CALD1: variants seen among roughly 807,000 people sequenced by gnomAD.
CALD1 encodes caldesmon.
Under a neutral mutation model 99.9 loss-of-function variants are expected in CALD1, and 33 were observed. The ratio of observed to expected loss-of-function variants is 0.33; its 90% CI spans 0.25 to 0.44. The LOEUF is 0.44. Ranked by LOEUF, CALD1 falls within the 20% of genes least tolerant of loss-of-function variation. The pLI is 1.00. For synonymous variants in CALD1, 310 were observed against 325.0 expected, an observed-to-expected ratio of 0.95 and a Z score of 0.50; for missense variants, 861 against 962.1, an observed-to-expected ratio of 0.89 and a Z score of 1.39.
chr7:134,755,911 T>C (rs1256226617), intron 1 of CALD1, among the ~76,000 whole-genome samples: 2 of 152,192 alleles, frequency 1.3e-5, no homozygotes, highest in Non-Finnish European at 2.9e-5. Context: ...TTAATCTATC[T>C]GGAAATGACT....
intron 3 of CALD1, among the ~76,000 whole-genome samples, chr7:134,884,937 TTTTA>T (rs946141952): frequency 6.6e-6 from 1 of 152,202 alleles, no homozygotes; most frequent in South Asian, 2.1e-4. Flanking sequence ...TCTTTCTTTC[TTTTA>T]TTTATTTATT....
At chr7:134,947,932 AC>A in intron 8 of CALD1, 163 bp downstream of exon 8, 1 of 818,188 alleles carries the variant, frequency 1.2e-6, no homozygotes, top group Non-Finnish European at 1.9e-6. Flanking sequence ...TAATTTGTCC[AC>A]TGCTTCTAAG....
chr7:134,938,547 C>T (rs533466153), intron 6 of CALD1, among the ~76,000 whole-genome samples: 9 of 152,224 alleles, frequency 5.9e-5, no homozygotes, highest in South Asian at 4.2e-4. Flanking sequence ...TCAGCACGGA[C>T]GTTCTCCATG....
At chr7:134,789,497 C>T (rs906581947) in intron 1 of CALD1, among the ~76,000 whole-genome samples, 3 of 152,206 alleles carry the variant, frequency 2.0e-5, no homozygotes, top group Admixed American at 6.5e-5. Flanking sequence ...ACTTTTTTCA[C>T]TTACAAAATG....
At chr7:134,816,769 T>C (rs1170557763) in intron 1 of CALD1, among the ~76,000 whole-genome samples, 1 of 152,150 alleles carries the variant, frequency 6.6e-6, no homozygotes, top group Non-Finnish European at 1.5e-5. Flanking sequence ...GAGAAGACAT[T>C]TCCACTGTTT....
intron 1 of CALD1, among the ~76,000 whole-genome samples, chr7:134,769,255 C>T (rs1011027721): frequency 5.9e-5 from 9 of 152,084 alleles, no homozygotes; most frequent in East Asian, 1.9e-4. Context: ...AGTGTGAGGG[C>T]GTCCCAAGAG....
upstream of CALD1, among the ~76,000 whole-genome samples, chr7:134,777,195 A>T (rs1796925093): frequency 6.6e-6 from 1 of 152,220 alleles, no homozygotes; most frequent in Non-Finnish European, 1.5e-5. Context: ...TTGTTTAAAA[A>T]AAGTAAAAGG....
chr7:134,923,142 G>A (rs1367891146), intron 3 of CALD1, among the ~76,000 whole-genome samples: 2 of 152,134 alleles, frequency 1.3e-5, no homozygotes, highest in African/African-American at 4.8e-5. Flanking sequence ...CCATGTTGCT[G>A]TCAGCTGACC....
At chr7:134,859,747 C>G (rs1243311518) in intron 2 of CALD1, among the ~76,000 whole-genome samples, 1 of 152,072 alleles carries the variant, frequency 6.6e-6, no homozygotes, top group Non-Finnish European at 1.5e-5. Context: ...TAAAGTGCTC[C>G]AAATTAAGGT....
At chr7:134,718,621 T>C in the CALD1 span, among the ~76,000 whole-genome samples, 16 of 152,332 alleles carry the variant, frequency 1.1e-4, no homozygotes, top group Non-Finnish European at 1.5e-5. Flanking sequence ...AGGCTTGTTA[T>C]GCATTAAAAA....
At chr7:134,723,077 C>A in the CALD1 span, among the ~76,000 whole-genome samples, 1 of 152,166 alleles carries the variant, frequency 6.6e-6, no homozygotes, top group South Asian at 2.1e-4. Context: ...TTAACTATCA[C>A]CCCCACAGCT....
At chr7:134,762,641 C>T (rs1312789407) in intron 1 of CALD1, among the ~76,000 whole-genome samples, 1 of 152,114 alleles carries the variant, frequency 6.6e-6, no homozygotes, top group Non-Finnish European at 1.5e-5. Context: ...GGGAAGCAAC[C>T]CCATCTTACA....
At chr7:134,877,369 A>C (rs952522355) in intron 3 of CALD1, among the ~76,000 whole-genome samples, 1 of 152,246 alleles carries the variant, frequency 6.6e-6, no homozygotes, top group Non-Finnish European at 1.5e-5. Context: ...CCCTGTAAAA[A>C]GAAAATTACC....
chr7:134,833,179 C>T (rs2132088259), intron 1 of CALD1, among the ~76,000 whole-genome samples: 1 of 152,270 alleles, frequency 6.6e-6, no homozygotes, highest in Non-Finnish European at 1.5e-5. Flanking sequence ...TAATTCAATC[C>T]ACTTAGCTAT....
At chr7:134,912,265 C>T (rs1185488865) in intron 3 of CALD1, among the ~76,000 whole-genome samples, 1 of 152,168 alleles carries the variant, frequency 6.6e-6, no homozygotes, top group Non-Finnish European at 1.5e-5. Flanking sequence ...AACAGTGGGG[C>T]CTTCGCTTGG....
intron 1 of CALD1, among the ~76,000 whole-genome samples, chr7:134,803,607 C>G (rs1460398802): frequency 6.6e-6 from 1 of 151,960 alleles, no homozygotes; most frequent in Non-Finnish European, 1.5e-5. Flanking sequence ...TCCAATTGTT[C>G]CAGAACAATC....
the CALD1 span, among the ~76,000 whole-genome samples, chr7:134,715,988 A>T: frequency 6.6e-6 from 1 of 152,162 alleles, no homozygotes; most frequent in Non-Finnish European, 1.5e-5. Flanking sequence ...TTTAAGTTTT[A>T]GGGTACATGT....
At chr7:134,774,784 A>G (rs1461146858), upstream of CALD1, among the ~76,000 whole-genome samples, 2 of 152,116 alleles carry the variant, frequency 1.3e-5, no homozygotes, top group African/African-American at 4.8e-5. Flanking sequence ...CCATCTGTCC[A>G]TTTTCCATAG....
intron 1 of CALD1, among the ~76,000 whole-genome samples, chr7:134,753,317 T>A (rs940447999): frequency 6.6e-6 from 1 of 152,122 alleles, no homozygotes; most frequent in Non-Finnish European, 1.5e-5. Context: ...AATAGGTGTA[T>A]CATCTCATCT....
Sources: allele counts gnomAD v4.1 joint callset (sites outside exome capture counted in the v4.1 genomes callset), GRCh38; gene constraint gnomAD v4.1.1; transcripts MANE v1.5; gene names NCBI Gene and HGNC (gene_info 2026-07-23, HGNC 2026-07-21).